TMEM59L: variants seen among roughly 807,000 people sequenced by gnomAD.
TMEM59L encodes the protein transmembrane protein 59 like.
A neutral mutation model predicts 39.6 loss-of-function variants in TMEM59L; 31 were observed. The observed-to-expected ratio is 0.78, with a 90% CI of 0.59 to 1.06. The LOEUF is 1.06. Ranked by LOEUF, TMEM59L falls within the 50% of genes least tolerant of loss-of-function variation. The probability of loss-of-function intolerance (pLI) is 0.00; values close to 1 mark genes in which losing one functional copy is unlikely to be tolerated. For missense variants in TMEM59L, 441 were observed against 451.3 expected, an observed-to-expected ratio of 0.98 and a Z score of 0.21; for synonymous variants, 219 against 202.9, an observed-to-expected ratio of 1.08 and a Z score of -0.68.
At chr19:18,615,940 G>A (rs755909274) in intron 3 of TMEM59L, 35 bp from the exon 4 acceptor site, 4 of 1,606,568 alleles carry the variant, frequency 2.5e-6, no homozygotes, top group Non-Finnish European at 3.4e-6. Context: ...CCCTATTTCG[G>A]TGCCATCTTT....
chr19:18,613,143 G>T lies in TMEM59L; in HGVS notation c.171+14G>T. 7.9e-7 allele frequency: 1 copy of T among 1,265,014 alleles called. No homozygotes were observed. The highest frequency in any genetic ancestry group is 3.0e-5 in the South Asian group (1 of 33,508). The allele number at this position is 1,265,014 out of a possible 1,614,324, so 78.4% of individuals were successfully genotyped here. The stretch of plus-strand genomic sequence containing the variant: ...CAGCCCTCGCAGGTGAGGCGCGTGC[G>T]GTGCCAGGTGCCAGCGGGGGACGCG... On this transcript the variant is annotated intron_variant, in intron 1 of 7. Transcript: ENST00000262817.
Position 18,617,364 on chromosome 19 carries a change from C to G in TMEM59L, c.664+262C>G, listed in dbSNP as rs1031950124. ...TCCCCGGGTTCCATGGTCTATTTAC[C>G]AGGGATCCGTGGTCCACCTCTCAGG... On this transcript the variant is annotated intron_variant, in intron 5 of 7. Transcript: ENST00000262817. 1.7e-5 allele frequency: 10 copies of G among 577,560 alleles called. No individual in the cohort carries two copies. The African/African-American group carries it at 1.9e-4, about 11-fold the overall frequency. The allele number at this position is 577,560 out of a possible 1,614,324, so 35.8% of individuals were successfully genotyped here.
At chr19:18,616,171 G>T in intron 4 of TMEM59L, 44 bp downstream of exon 4, 2 of 1,609,338 alleles carry the variant, frequency 1.2e-6, no homozygotes, top group South Asian at 1.1e-5. Context: ...CAGATGGGTG[G>T]GCAGGGTAAG....
chr19:18,613,917 C>T lies in TMEM59L; in HGVS notation c.217C>T (p.Leu73=), dbSNP rs1408442061. The part of the protein sequence containing the change: ...ASESPYDRAV[L]ISACERGCRL... ...CGAGTCTCCCTATGACAGAGCCGTTCTGATCAGCGCTTGCGAGCGTGGCTG... is the reference window on the plus strand; with the variant it reads ...CGAGTCTCCCTATGACAGAGCCGTTTTGATCAGCGCTTGCGAGCGTGGCTG... Residue 73 remains leucine (L), a synonymous_variant, in exon 2 of 8, where the codon CTG becomes TTG. Transcript: ENST00000262817. 1.2e-6 allele frequency: 2 copies of T among 1,612,934 alleles called. No individual in the cohort carries two copies. The highest frequency in any genetic ancestry group is 1.7e-6 in the Non-Finnish European group (2 of 1,179,972).
In TMEM59L at chr19:18,616,687, C is replaced by T. The variant is rs528229462; in HGVS notation, c.562-313C>T. 4.6e-5 allele frequency among the ~76,000 whole-genome samples: 7 copies of T among 152,348 alleles called. No individual in the cohort carries two copies. In the South Asian group the frequency reaches 6.2e-4, roughly 14 times the overall value. ...GGATTACAGGCATGAGCCACTGCCC[C>T]GGCTCCCTCTGGGGTTTTAACTGAG... is the stretch of plus-strand genomic sequence containing the variant. On this transcript the variant is annotated intron_variant, in intron 4 of 7. Transcript: ENST00000262817.
chr19:18,617,112 A>C lies in TMEM59L; in HGVS notation c.664+10A>C. On this transcript the variant is annotated intron_variant, in intron 5 of 7. Transcript: ENST00000262817. ...CTGGAGGTGCACGTGGGTAAGGTGCAACCTAGACCAGTGTTCCTTCCATGG... is the reference window on the plus strand; with the variant it reads ...CTGGAGGTGCACGTGGGTAAGGTGCCACCTAGACCAGTGTTCCTTCCATGG... 6.2e-7 allele frequency: 1 copy of C among 1,608,260 alleles called. No individual in the cohort carries two copies. Among genetic ancestry groups the C allele is most frequent in the Non-Finnish European group, 8.5e-7 (1 of 1,175,412 alleles).
intron 3 of TMEM59L, among the ~76,000 whole-genome samples, chr19:18,614,888 A>G (rs1008603891): frequency 2.0e-4 from 30 of 152,114 alleles, no homozygotes; most frequent in African/African-American, 7.2e-4. Context: ...CCCTTTCCCC[A>G]CTTCCCCCAT....
intron 4 of TMEM59L, 80 bp from the exon 5 acceptor site, chr19:18,616,920 A>C: frequency 1.9e-6 from 2 of 1,049,594 alleles, no homozygotes; most frequent in Non-Finnish European, 1.4e-6. Context: ...GGCGTGGGAC[A>C]TGGCAGTCAC....
intron 1 of TMEM59L, 21 bp from the exon 2 acceptor site, chr19:18,613,851 C>A: frequency 6.2e-7 from 1 of 1,605,128 alleles, no homozygotes; most frequent in Non-Finnish European, 8.5e-7. Context: ...GGCCTGAGCC[C>A]CCTGTCCTCC....
intron 7 of TMEM59L, among the ~76,000 whole-genome samples, chr19:18,619,973 T>TCA (rs57681167): frequency 0.11 from 13,353 of 116,618 alleles, 854 homozygotes; most frequent in East Asian, 0.26. Flanking sequence ...GAAGACCCCA[T>TCA]CACACACACA....
At chr19:18,618,293 G>T in intron 6 of TMEM59L, 21 bp downstream of exon 6, 1 of 770,630 alleles carries the variant, frequency 1.3e-6, no homozygotes, top group Non-Finnish European at 2.2e-6. Context: ...GGACCTTGGG[G>T]GTGGGAGGGG....
At chr19:18,618,984 C>T (rs1299204180) in intron 7 of TMEM59L, among the ~76,000 whole-genome samples, 4 of 151,690 alleles carry the variant, frequency 2.6e-5, no homozygotes, top group Admixed American at 6.6e-5. Flanking sequence ...CGTGACCCAC[C>T]GCGCCCGGCC....
rs1600666028 is a variant in TMEM59L at position 18,617,031 on chromosome 19, A to C, written c.593A>C (p.Gln198Pro). The C allele has an allele frequency of 1.2e-6, 2 of 1,612,584 alleles. No homozygotes were observed. The highest frequency in any genetic ancestry group is 1.7e-6 in the Non-Finnish European group (2 of 1,179,476). Residue 198 changes from glutamine (Q) to proline (P), a missense_variant, in exon 5 of 8, where the codon CAG becomes CCG. Physicochemically the swap from Gln to Pro is moderately conservative, Grantham distance 76. Coordinates refer to ENST00000262817, the MANE Select transcript of TMEM59L (RefSeq NM_012109.3). The part of the protein sequence containing the change: ...TQPIVESLGF[Q>P]GGRLQRVEVT... ...CCCATAGTGGAGAGCCTCGGCTTCCAGGGGGGCCGTCTGCAGCGCGTGGAG... is the reference window on the plus strand; with the variant it reads ...CCCATAGTGGAGAGCCTCGGCTTCCCGGGGGGCCGTCTGCAGCGCGTGGAG...
At position 18,617,087 on chromosome 19, in the gene TMEM59L, C is replaced by G. The variant is rs1478036989; in HGVS notation, c.649C>G (p.Leu217Val). ...CTGGCGAGGCTCCCACCCTGAAGCC[C>G]TGGAGGTGCACGTGGGTAAGGTGCA... ...VTWRGSHPEA[L>V]EVHVDPVGPL... The change falls in exon 5 of 8, where the codon CTG (leucine) becomes GTG (valine). Residue 217 changes from leucine (L) to valine (V), a missense_variant. Transcript: ENST00000262817. The G allele has an allele frequency of 1.2e-6, 2 of 1,613,216 alleles. No homozygotes were observed. The highest frequency in any genetic ancestry group is 2.7e-5 in the African/African-American group (2 of 74,916).
intron 7 of TMEM59L, among the ~76,000 whole-genome samples, 191 bp from the exon 8 acceptor site, chr19:18,620,217 G>A (rs989111397): frequency 2.0e-5 from 3 of 151,574 alleles, no homozygotes; most frequent in Admixed American, 6.6e-5. Context: ...AAGGAGAATC[G>A]CTTGAACCTA....
At position 18,612,946 on chromosome 19, in the gene TMEM59L, G is replaced by T. The variant is rs1264266746; in HGVS notation, c.-13G>T. ...AGCTGGAGTCCCCCGCGCCCCCCGCGTTCCGCCCGGCCATGGCTGCGGTGG... is the reference window on the plus strand; with the variant it reads ...AGCTGGAGTCCCCCGCGCCCCCCGCTTTCCGCCCGGCCATGGCTGCGGTGG... On this transcript the variant is annotated 5_prime_UTR_variant, in exon 1 of 8. Transcript: ENST00000262817. The surrounding 1 kb of genome is among the most constrained non-coding windows in gnomAD (Gnocchi z 6.2). The T allele has an allele frequency of 1.1e-5, 14 of 1,296,158 alleles. No homozygotes were observed. Among genetic ancestry groups the T allele is most frequent in the Non-Finnish European group, 1.4e-5 (14 of 1,026,244 alleles). The allele number at this position is 1,296,158 out of a possible 1,614,324, so 80.3% of individuals were successfully genotyped here. A position where few individuals can be genotyped will look rare whatever the true frequency, so the allele number is the denominator to read the frequency against.
At chr19:18,616,387 T>TG (rs370352685) in intron 4 of TMEM59L, among the ~76,000 whole-genome samples, 27 of 151,554 alleles carry the variant, frequency 1.8e-4, no homozygotes, top group African/African-American at 4.1e-4. Context: ...GTGGTTTTTT[T>TG]TTGTTGTTGT....
intron 5 of TMEM59L, 74 bp downstream of exon 5, chr19:18,617,176 A>T: frequency 8.9e-7 from 1 of 1,122,590 alleles, no homozygotes; most frequent in Non-Finnish European, 1.4e-6. Flanking sequence ...TGGCAAACAG[A>T]CCTTCTAGGA....
At chr19:18,619,818 GAA>G (rs547141995) in intron 7 of TMEM59L, among the ~76,000 whole-genome samples, 1 of 142,054 alleles carries the variant, frequency 7.0e-6, no homozygotes. Context: ...AAAAAAAAAA[GAA>G]AAAAAAAATT....
Sources: allele counts gnomAD v4.1 joint callset (sites outside exome capture counted in the v4.1 genomes callset), GRCh38; gene constraint gnomAD v4.1.1; non-coding constraint Gnocchi (gnomAD v3.1); transcripts MANE v1.5; gene names NCBI Gene and HGNC (gene_info 2026-07-23, HGNC 2026-07-21).